GFM2: variants seen among roughly 807,000 people sequenced by gnomAD.
GFM2 encodes GTP dependent ribosome recycling factor mitochondrial 2.
A neutral mutation model predicts 95.4 loss-of-function variants in GFM2; 72 were observed. The ratio of observed to expected loss-of-function variants is 0.76; its 90% confidence interval spans 0.62 to 0.92. The LOEUF (loss-of-function observed/expected upper bound fraction) is 0.92. GFM2 is among the 40% of genes least tolerant of loss of function. The probability of loss-of-function intolerance (pLI) is 0.00; values close to 1 mark genes in which losing one functional copy is unlikely to be tolerated. For missense variants in GFM2, 825 were observed against 924.1 expected (o/e 0.89, Z 1.39); for synonymous variants, 276 against 317.5 (o/e 0.87, Z 1.39).
At chr5:74,744,295 T>C (rs1425790976) in intron 10 of GFM2, among the ~76,000 whole-genome samples, 2 of 152,060 alleles carry the variant, frequency 1.3e-5, no homozygotes, top group Non-Finnish European at 2.9e-5. Flanking sequence ...TATAATCTTA[T>C]GGCACTGTCA....
Position 74,747,536 on chromosome 5 carries a change from A to C in GFM2, c.608+156T>G, listed in dbSNP as rs567026863. 2.6e-5 allele frequency among the ~76,000 whole-genome samples: 4 copies of C among 152,312 alleles called. No individual in the cohort carries two copies. The South Asian group carries it at 8.3e-4, about 32-fold the overall frequency. On this transcript the variant is annotated intron_variant, in intron 8 of 20. Transcript: ENST00000296805. ...TATAACCTATGGATTAGCTGCTTTG[A>C]ATTTTTTTATGGGAATAAACTGGGA...
In GFM2 at chr5:74,721,862, A is replaced by G. The variant is rs1041449956; in HGVS notation, c.2212-79T>C. On this transcript the variant is annotated intron_variant, in intron 20 of 20. Transcript: ENST00000296805. The stretch of plus-strand genomic sequence containing the variant: ...TCTTCCTGCTGATTATCTTTTGACT[A>G]TTAGGGAAAAGTGATGTTGCCACTT... 8 of 1,392,938 alleles carry G rather than the reference A, an allele frequency of 5.7e-6. No homozygotes were observed. The African/African-American group carries it at 8.8e-5, about 15-fold the overall frequency. 86.3% of individuals were successfully genotyped at this position (1,392,938 alleles called of 1,614,324 possible). A position where few individuals can be genotyped will look rare whatever the true frequency, so the allele number is the denominator to read the frequency against.
At position 74,751,109 on chromosome 5, in the gene GFM2, G is replaced by T. The variant is rs373586427; in HGVS notation, c.430+259C>A. The stretch of plus-strand genomic sequence containing the variant: ...TACAAAGTACACAGTGGTTAGCAGG[G>T]GTGAAGGGAGGGGGCAAAAGGGAAT... On this transcript the variant is annotated intron_variant, in intron 6 of 20. Transcript: ENST00000296805. 2.6e-5 allele frequency among the ~76,000 whole-genome samples: 4 copies of T among 152,222 alleles called. No homozygotes were observed. The East Asian group carries it at 7.7e-4, about 29-fold the overall frequency.
chr5:74,735,528 T>C (rs1216893355), intron 15 of GFM2, among the ~76,000 whole-genome samples: 4 of 152,302 alleles, frequency 2.6e-5, no homozygotes, highest in African/African-American at 9.6e-5. Flanking sequence ...AGAAGGTCTG[T>C]CCTTAAACAA....
chr5:74,733,150 T>TA, intron 15 of GFM2, 52 bp from the exon 16 acceptor site: 1 of 1,339,266 alleles, frequency 7.5e-7, no homozygotes, highest in Non-Finnish European at 1.1e-6. Context: ...AATAATTTAT[T>TA]ATATGTTCTA....
intron 1 of GFM2, among the ~76,000 whole-genome samples, chr5:74,764,497 TTTTA>T (rs1305146868): frequency 1.2e-4 from 19 of 152,066 alleles, no homozygotes; most frequent in Non-Finnish European, 1.3e-4. Context: ...ATGAGGTTTT[TTTTA>T]TTTTTTTTTA....
chr5:74,746,422 C>T (rs997717005), intron 8 of GFM2, among the ~76,000 whole-genome samples: 2 of 152,118 alleles, frequency 1.3e-5, no homozygotes, highest in African/African-American at 4.8e-5. Context: ...TTGTGAGCTT[C>T]GCATAACTAT....
chr5:74,765,850 T>C (rs1744558048), intron 1 of GFM2, among the ~76,000 whole-genome samples: 1 of 151,036 alleles, frequency 6.6e-6, no homozygotes, highest in African/African-American at 2.4e-5. Context: ...TACAAAAATA[T>C]TAGCTGGGTG....
intron 17 of GFM2, 74 bp from the exon 18 acceptor site, chr5:74,726,200 TATC>T (rs987924608): frequency 1.1e-5 from 11 of 1,016,086 alleles, no homozygotes; most frequent in African/African-American, 4.9e-5. Flanking sequence ...ACAGCAAAAT[TATC>T]ATCAACAAGC....
intron 16 of GFM2, chr5:74,730,650 A>G: frequency 3.3e-6 from 1 of 298,736 alleles, no homozygotes; most frequent in South Asian, 8.2e-5. Context: ...CTGCTGGGCA[A>G]GTAGCATCTG....
rs375372058 is a variant in GFM2 at position 74,722,508 on chromosome 5, A to T, written c.2082T>A (p.Val694=). Residue 694 remains valine (V), a synonymous_variant, in exon 20 of 21, where the codon GTT becomes GTA. Transcript: ENST00000296805. ...QVLEPLMNLE[V]TVARDYLSPV... Reference sequence around the variant, plus strand: ...GGCTGAGATAATCTCTAGCTACTGTAACCTCAAGATTCATCAGAGGCTCCA... The same window carrying T: ...GGCTGAGATAATCTCTAGCTACTGTTACCTCAAGATTCATCAGAGGCTCCA... The T allele has an allele frequency of 1.9e-6, 3 of 1,613,884 alleles. No individual in the cohort carries two copies. The highest frequency in any genetic ancestry group is 2.5e-6 in the Non-Finnish European group (3 of 1,179,916).
At chr5:74,741,837 G>A in intron 10 of GFM2, 1 of 329,288 alleles carries the variant, frequency 3.0e-6, no homozygotes, top group Non-Finnish European at 5.5e-6. Context: ...TTCACAGAAA[G>A]CCAGATCCTG....
intron 10 of GFM2, among the ~76,000 whole-genome samples, chr5:74,742,275 C>G (rs1313505230): frequency 6.9e-6 from 1 of 144,538 alleles, no homozygotes; most frequent in African/African-American, 2.6e-5. Context: ...AAAAAAACCA[C>G]ACTGTTAACA....
At chr5:74,742,220 A>G (rs949327391) in intron 10 of GFM2, among the ~76,000 whole-genome samples, 1 of 152,072 alleles carries the variant, frequency 6.6e-6, no homozygotes, top group African/African-American at 2.4e-5. Context: ...CTTCAAAAGC[A>G]TATAACAGTA....
chr5:74,747,879 G>A, intron 7 of GFM2, 99 bp from the exon 8 acceptor site: 1 of 657,046 alleles, frequency 1.5e-6, no homozygotes, highest in Non-Finnish European at 2.7e-6. Context: ...CAGATAAATT[G>A]GGCCCTATTC....
intron 9 of GFM2, 104 bp downstream of exon 9, chr5:74,746,001 C>G: frequency 9.4e-7 from 1 of 1,061,952 alleles, no homozygotes; most frequent in Admixed American, 2.7e-5. Flanking sequence ...TATTTATACC[C>G]CAACTTCTTC....
intron 7 of GFM2, among the ~76,000 whole-genome samples, chr5:74,748,679 A>T (rs1395949971): frequency 3.9e-5 from 6 of 151,966 alleles, no homozygotes; most frequent in Non-Finnish European, 8.8e-5. Context: ...AGCCTGGCCA[A>T]CATGGTGAAA....
At chr5:74,753,460 G>A (rs1418426449) in intron 5 of GFM2, among the ~76,000 whole-genome samples, 1 of 152,130 alleles carries the variant, frequency 6.6e-6, no homozygotes. Context: ...AGTCAAGCAT[G>A]ATGGTGTGTG....
chr5:74,729,630 T>C lies in GFM2; in HGVS notation c.1726+630A>G, dbSNP rs558785118. Among the ~76,000 whole-genome samples, 30 of 152,126 alleles carry C rather than the reference T, an allele frequency of 2.0e-4. No individual in the cohort carries two copies. The South Asian group carries it at 5.0e-3, about 25-fold the overall frequency. Reference sequence around the variant, plus strand: ...TCAGTGAAATGTAACCATCAGGACTTCTCACAAACTAATGAGGAACTTGAA... The same window carrying C: ...TCAGTGAAATGTAACCATCAGGACTCCTCACAAACTAATGAGGAACTTGAA... On this transcript the variant is annotated intron_variant, in intron 17 of 20. Coordinates refer to ENST00000296805, the MANE Select transcript of GFM2 (RefSeq NM_032380.5).
Sources: allele counts gnomAD v4.1 joint callset (sites outside exome capture counted in the v4.1 genomes callset), GRCh38; gene constraint gnomAD v4.1.1; transcripts MANE v1.5; gene names NCBI Gene and HGNC (gene_info 2026-07-23, HGNC 2026-07-21).